ABTB3: variants seen among roughly 807,000 people sequenced by gnomAD.
ABTB3 encodes ankyrin repeat and BTB domain containing 3.
the ABTB3 span, among the ~76,000 whole-genome samples, chr12:107,562,980 C>T: frequency 2.5e-4 from 38 of 152,300 alleles, no homozygotes; most frequent in East Asian, 1.4e-3. Flanking sequence ...ATGGTCCTAA[C>T]GCCAGTCTGA....
the ABTB3 span, among the ~76,000 whole-genome samples, chr12:107,607,408 C>T: frequency 2.6e-5 from 4 of 152,204 alleles, no homozygotes; most frequent in African/African-American, 9.6e-5. Context: ...CTCTCCCCCA[C>T]TGCCGGGGTA....
the ABTB3 span, among the ~76,000 whole-genome samples, chr12:107,597,880 T>G: frequency 1.1e-4 from 17 of 152,224 alleles, no homozygotes; most frequent in African/African-American, 3.9e-4. Flanking sequence ...GGTCACCTTC[T>G]GTTTTTTAAA....
At chr12:107,579,684 T>G in the ABTB3 span, among the ~76,000 whole-genome samples, 1 of 152,216 alleles carries the variant, frequency 6.6e-6, no homozygotes, top group Non-Finnish European at 1.5e-5. Flanking sequence ...CCTGTCATCC[T>G]CTTCTCAATG....
the ABTB3 span, among the ~76,000 whole-genome samples, chr12:107,530,913 A>G: frequency 2.0e-5 from 3 of 152,222 alleles, no homozygotes; most frequent in Non-Finnish European, 4.4e-5. Flanking sequence ...CCTTTGCTAC[A>G]TAATGCTAAA....
At chr12:107,424,188 C>T in the ABTB3 span, among the ~76,000 whole-genome samples, 1 of 152,200 alleles carries the variant, frequency 6.6e-6, no homozygotes, top group African/African-American at 2.4e-5. Flanking sequence ...ACCCTGGGGT[C>T]GTCTCCCTGG....
At chr12:107,601,486 C>T in the ABTB3 span, among the ~76,000 whole-genome samples, 4 of 152,180 alleles carry the variant, frequency 2.6e-5, no homozygotes, top group African/African-American at 7.2e-5. Flanking sequence ...TGGGGCTGCT[C>T]GGGCCTTTTG....
At chr12:107,564,905 G>T in the ABTB3 span, among the ~76,000 whole-genome samples, 2 of 152,228 alleles carry the variant, frequency 1.3e-5, no homozygotes. Flanking sequence ...ACTGGGGCAA[G>T]CCCCATGCAG....
the ABTB3 span, among the ~76,000 whole-genome samples, chr12:107,510,216 C>A: frequency 2.0e-5 from 3 of 152,044 alleles, no homozygotes; most frequent in Non-Finnish European, 4.4e-5. Context: ...GTGCCAGGAC[C>A]CCCCCACCCT....
chr12:107,521,263 T>TTGTGTG, the ABTB3 span, among the ~76,000 whole-genome samples: 1,545 of 142,924 alleles, frequency 0.011, 16 homozygotes, highest in Middle Eastern at 0.029. Context: ...TTCATATAAG[T>TTGTGTG]TGTGTGTGTG....
At chr12:107,511,424 T>A in the ABTB3 span, among the ~76,000 whole-genome samples, 1 of 152,208 alleles carries the variant, frequency 6.6e-6, no homozygotes, top group Admixed American at 6.5e-5. Context: ...CAGGCTCACA[T>A]ATGAGTCTGT....
chr12:107,339,574 G>A, the ABTB3 span, among the ~76,000 whole-genome samples: 6 of 152,226 alleles, frequency 3.9e-5, no homozygotes, highest in Middle Eastern at 3.4e-3. Context: ...ATTGTACATC[G>A]TATATCAAAG....
At chr12:107,319,085 G>T in the ABTB3 span, 3 of 1,610,388 alleles carry the variant, frequency 1.9e-6, no homozygotes, top group Admixed American at 5.0e-5. Context: ...CCCGTATGGC[G>T]GGAGCTGCTG....
the ABTB3 span, among the ~76,000 whole-genome samples, chr12:107,503,772 A>AAAGAAGAAG: frequency 4.0e-5 from 6 of 148,186 alleles, no homozygotes; most frequent in Middle Eastern, 3.5e-3. Flanking sequence ...AAAAAAAAAA[A>AAAGAAGAAG]AAGAAGAAGA....
the ABTB3 span, among the ~76,000 whole-genome samples, chr12:107,373,445 G>A: frequency 2.0e-5 from 3 of 152,140 alleles, no homozygotes; most frequent in Non-Finnish European, 4.4e-5. Flanking sequence ...CCTGGGGTTC[G>A]CTGCATGTAT....
At chr12:107,636,476 T>C in the ABTB3 span, among the ~76,000 whole-genome samples, 1 of 152,378 alleles carries the variant, frequency 6.6e-6, no homozygotes, top group East Asian at 1.9e-4. Flanking sequence ...CTGAAATTTC[T>C]ACTCTTTAGC....
chr12:107,476,456 C>A, the ABTB3 span, among the ~76,000 whole-genome samples: 1 of 152,004 alleles, frequency 6.6e-6, no homozygotes, highest in African/African-American at 2.4e-5. Context: ...GGAGGTGAAA[C>A]CTGAATGTGT....
At chr12:107,613,327 C>T in the ABTB3 span, among the ~76,000 whole-genome samples, 2 of 152,164 alleles carry the variant, frequency 1.3e-5, no homozygotes, top group Non-Finnish European at 2.9e-5. Context: ...CCTCCACGCT[C>T]CCCCTCCAAA....
At chr12:107,389,351 A>T in the ABTB3 span, among the ~76,000 whole-genome samples, 3 of 152,234 alleles carry the variant, frequency 2.0e-5, no homozygotes, top group Non-Finnish European at 2.9e-5. Flanking sequence ...ATCTCATTTA[A>T]GCTCACTATC....
chr12:107,435,090 C>G, the ABTB3 span, among the ~76,000 whole-genome samples: 1 of 152,124 alleles, frequency 6.6e-6, no homozygotes. Flanking sequence ...TTTTTTGAAA[C>G]TGAACTGCAT....
Sources: allele counts gnomAD v4.1 joint callset (sites outside exome capture counted in the v4.1 genomes callset), GRCh38; gene constraint gnomAD v4.1.1; transcripts MANE v1.5; gene names NCBI Gene and HGNC (gene_info 2026-07-23, HGNC 2026-07-21).